Variants in DPP6 observed in about 807,000 individuals in gnomAD.
DPP6 encodes A-type potassium channel modulatory protein DPP6.
Under a neutral mutation model 122.6 loss-of-function variants are expected in DPP6, and 69 were observed. That is an observed-to-expected ratio of 0.56 (90% CI 0.46 to 0.69). The LOEUF is 0.69. Ranked by LOEUF, DPP6 falls within the 30% of genes least tolerant of loss-of-function variation. DPP6 has a pLI of 0.00. For missense variants in DPP6, 928 were observed against 1,116.9 expected (o/e 0.83, Z 2.41); for synonymous variants, 418 against 433.1 (o/e 0.97, Z 0.43).
intron 7 of DPP6, among the ~76,000 whole-genome samples, chr7:154,690,656 G>A (rs3823519): frequency 0.75 from 114,336 of 151,778 alleles, 45,274 homozygotes; most frequent in Non-Finnish European, 0.88. Context: ...AGCAAGAGTT[G>A]GACATATCTT....
intron 1 of DPP6, among the ~76,000 whole-genome samples, chr7:154,324,332 G>A (rs1382337249): frequency 1.3e-5 from 2 of 152,126 alleles, no homozygotes; most frequent in Non-Finnish European, 2.9e-5. Context: ...GTGTTTGCTT[G>A]TGCGCTCCCC....
intron 4 of DPP6, among the ~76,000 whole-genome samples, chr7:154,564,876 A>G (rs10952495): frequency 0.2 from 29,972 of 152,100 alleles, 3,914 homozygotes; most frequent in East Asian, 0.55. Context: ...CTGCTTTCTC[A>G]TTTCAACTTT....
intron 8 of DPP6, among the ~76,000 whole-genome samples, chr7:154,766,393 C>T (rs752955095): frequency 2.0e-5 from 3 of 152,166 alleles, no homozygotes; most frequent in Non-Finnish European, 2.9e-5. Context: ...TCTCGGCTCA[C>T]CGCAACCTCC....
intron 1 of DPP6, among the ~76,000 whole-genome samples, chr7:154,031,063 C>T (rs1434985836): frequency 6.6e-6 from 1 of 151,946 alleles, no homozygotes; most frequent in Admixed American, 6.6e-5. Context: ...TCTTATCCTC[C>T]CTGGCTATTA....
chr7:154,082,941 T>C (rs181499827), intron 1 of DPP6, among the ~76,000 whole-genome samples: 3 of 151,200 alleles, frequency 2.0e-5, no homozygotes, highest in Admixed American at 6.6e-5. Context: ...CTCTGTCTTC[T>C]GGGTTCACAC....
At chr7:154,625,997 A>G (rs1190358685) in intron 5 of DPP6, among the ~76,000 whole-genome samples, 1 of 152,178 alleles carries the variant, frequency 6.6e-6, no homozygotes, top group Non-Finnish European at 1.5e-5. Flanking sequence ...GTAAAGTAGG[A>G]GGTTGGCTGC....
chr7:154,395,303 C>A (rs1814983471), intron 1 of DPP6, among the ~76,000 whole-genome samples: 2 of 152,182 alleles, frequency 1.3e-5, no homozygotes, highest in Admixed American at 1.3e-4. Flanking sequence ...TTTCAACATA[C>A]AAATTTTGGG....
chr7:154,073,999 C>CTATGTATGTATG (rs541968723), intron 1 of DPP6, among the ~76,000 whole-genome samples: 9 of 148,840 alleles, frequency 6.0e-5, no homozygotes, highest in Non-Finnish European at 7.5e-5. Flanking sequence ...AAATATATAT[C>CTATGTATGTATG]TATGTATGTA....
chr7:154,322,724 T>A (rs1350011170), intron 1 of DPP6, among the ~76,000 whole-genome samples: 1 of 152,214 alleles, frequency 6.6e-6, no homozygotes, highest in East Asian at 1.9e-4. Flanking sequence ...TAGCATTTAT[T>A]GGGTATATAC....
Position 154,893,645 on chromosome 7 carries a change from C to A in DPP6, c.*1165C>A, listed in dbSNP as rs1300357764. Reference sequence around the variant, plus strand: ...GGAGGTTGATGATGTGCTACGTTAGCCTTGTAAGATACACCCCCACCAAAT... The same window carrying A: ...GGAGGTTGATGATGTGCTACGTTAGACTTGTAAGATACACCCCCACCAAAT... On this transcript the variant is annotated 3_prime_UTR_variant, in exon 26 of 26. Coordinates refer to ENST00000377770, the MANE Select transcript of DPP6 (RefSeq NM_130797.4). The A allele has an allele frequency of 6.6e-6, 1 of 151,916 alleles. No homozygotes were observed. Among genetic ancestry groups the A allele is most frequent in the African/African-American group, 2.4e-5 (1 of 41,328 alleles). The allele number at this position is 151,916 out of a possible 1,614,324, so 9.4% of individuals were successfully genotyped here. A position where few individuals can be genotyped will look rare whatever the true frequency, so the allele number is the denominator to read the frequency against.
At chr7:154,066,139 A>T (rs1197096204) in intron 1 of DPP6, among the ~76,000 whole-genome samples, 2 of 150,236 alleles carry the variant, frequency 1.3e-5, no homozygotes, top group African/African-American at 4.9e-5. Flanking sequence ...AGCTCACTGT[A>T]ACCTCTGCCT....
chr7:154,327,841 T>C (rs537672061), intron 1 of DPP6, among the ~76,000 whole-genome samples: 233 of 152,344 alleles, frequency 1.5e-3, no homozygotes, highest in Non-Finnish European at 2.5e-3. Flanking sequence ...AAAACACAGA[T>C]ATTATAAGCC....
At chr7:153,848,578 G>C in the DPP6 span, among the ~76,000 whole-genome samples, 1 of 152,034 alleles carries the variant, frequency 6.6e-6, no homozygotes, top group Admixed American at 6.6e-5. Context: ...TCTTTTCAAG[G>C]GTTCAGCTTA....
At chr7:154,577,117 T>C (rs1831732008) in intron 5 of DPP6, among the ~76,000 whole-genome samples, 1 of 151,728 alleles carries the variant, frequency 6.6e-6, no homozygotes, top group South Asian at 2.1e-4. Flanking sequence ...AGGCGTAGTT[T>C]GGGGGAGGAT....
intron 6 of DPP6, among the ~76,000 whole-genome samples, chr7:154,645,732 G>A (rs1440097673): frequency 6.6e-6 from 1 of 152,018 alleles, no homozygotes; most frequent in East Asian, 1.9e-4. Flanking sequence ...TTGGTTCATA[G>A]AAAATACTGA....
At chr7:154,780,662 G>A (rs982258801) in intron 10 of DPP6, among the ~76,000 whole-genome samples, 19 of 152,318 alleles carry the variant, frequency 1.2e-4, no homozygotes, top group Middle Eastern at 3.4e-3. Flanking sequence ...AGTGACATCC[G>A]CAGTTTCTTC....
In DPP6 at chr7:154,646,045, A is replaced by AAAAAAAAAAAAAAAAC. The variant is rs1554421912; in HGVS notation, c.680+8172_680+8173insAAAAAAAAAAAAAAAC. Among the ~76,000 whole-genome samples the AAAAAAAAAAAAAAAAC allele has an allele frequency of 8.1e-5, 12 of 147,566 alleles. 1 individual carries two copies. Among genetic ancestry groups the AAAAAAAAAAAAAAAAC allele is most frequent in the African/African-American group, 3.1e-4 (12 of 38,308 alleles). On this transcript the variant is annotated intron_variant, in intron 6 of 25. Coordinates refer to ENST00000377770, the MANE Select transcript of DPP6 (RefSeq NM_130797.4). ...TCCGTCTCAAAAAAAAAAAAAAAAA[A>AAAAAAAAAAAAAAAAC]GAAAATACTGAGGGCTCTATTCATG...
chr7:153,875,219 G>A, the DPP6 span, among the ~76,000 whole-genome samples: 3 of 152,060 alleles, frequency 2.0e-5, no homozygotes, highest in South Asian at 2.1e-4. Context: ...TGTCAAGTGC[G>A]GAATGAAAAT....
At chr7:154,776,662 C>T (rs1004391659) in intron 10 of DPP6, among the ~76,000 whole-genome samples, 4 of 152,180 alleles carry the variant, frequency 2.6e-5, no homozygotes, top group African/African-American at 9.7e-5. Context: ...TCAAATTTAG[C>T]CGGTAAAATC....
Sources: allele counts gnomAD v4.1 joint callset (sites outside exome capture counted in the v4.1 genomes callset), GRCh38; gene constraint gnomAD v4.1.1; transcripts MANE v1.5; gene names NCBI Gene and HGNC (gene_info 2026-07-23, HGNC 2026-07-21).